NOSTRIN: variants seen among roughly 807,000 people sequenced by gnomAD.
NOSTRIN encodes the protein nitric oxide synthase trafficking, also known as BM247 homolog.
A neutral mutation model predicts 59.0 loss-of-function variants in NOSTRIN; 63 were observed. The ratio of observed to expected loss-of-function variants is 1.07; its 90% confidence interval spans 0.87 to 1.32. The LOEUF (loss-of-function observed/expected upper bound fraction) is 1.32. Among genes scored for constraint, NOSTRIN ranks in the 40% most tolerant of loss-of-function variants. The pLI is 0.00. For missense variants in NOSTRIN, 512 were observed against 473.1 expected (o/e 1.08, Z -0.76); for synonymous variants, 200 against 165.4 (o/e 1.21, Z -1.61).
intron 1 of NOSTRIN, among the ~76,000 whole-genome samples, chr2:168,809,933 C>T (rs762256128): frequency 1.3e-4 from 20 of 152,054 alleles, no homozygotes; most frequent in Non-Finnish European, 2.8e-4. Flanking sequence ...GTTTACACTG[C>T]AGAGAGGTTT....
chr2:168,851,440 G>A, intron 10 of NOSTRIN, 36 bp downstream of exon 10: 2 of 1,579,690 alleles, frequency 1.3e-6, no homozygotes, highest in Non-Finnish European at 8.6e-7. Context: ...TTACATTAAT[G>A]GAGAATCTTA....
intron 2 of NOSTRIN, among the ~76,000 whole-genome samples, chr2:168,819,842 A>G (rs761113983): frequency 6.6e-6 from 1 of 152,220 alleles, no homozygotes; most frequent in Non-Finnish European, 1.5e-5. Context: ...CCAGAGGGCT[A>G]GCTCGGTGAC....
upstream of NOSTRIN, among the ~76,000 whole-genome samples, chr2:168,799,884 C>G (rs945450513): frequency 6.6e-6 from 1 of 152,238 alleles, no homozygotes; most frequent in Non-Finnish European, 1.5e-5. Context: ...GTCTGCCCCT[C>G]TCTGTCTCTA....
chr2:168,807,136 C>T (rs1055471625), intron 1 of NOSTRIN, among the ~76,000 whole-genome samples: 1 of 152,056 alleles, frequency 6.6e-6, no homozygotes, highest in Non-Finnish European at 1.5e-5. Context: ...TCCATGGAAC[C>T]CTTTCAGAGT....
At chr2:168,835,236 G>A (rs1366181008) in intron 7 of NOSTRIN, among the ~76,000 whole-genome samples, 1 of 151,050 alleles carries the variant, frequency 6.6e-6, no homozygotes, top group East Asian at 1.9e-4. Context: ...CACCATGCTC[G>A]GCTAATTTTT....
intron 1 of NOSTRIN, among the ~76,000 whole-genome samples, chr2:168,803,394 C>T (rs182280921): frequency 6.6e-6 from 1 of 152,254 alleles, no homozygotes; most frequent in East Asian, 1.9e-4. Flanking sequence ...TTTATCCCAA[C>T]ACATGGGGCT....
intron 1 of NOSTRIN, among the ~76,000 whole-genome samples, chr2:168,807,234 T>C (rs955514309): frequency 2.0e-5 from 3 of 151,960 alleles, no homozygotes; most frequent in African/African-American, 7.3e-5. Context: ...AGCAGGTAAG[T>C]TCCAAGATTT....
chr2:168,833,741 C>A (rs565980050), intron 6 of NOSTRIN, among the ~76,000 whole-genome samples: 1 of 152,190 alleles, frequency 6.6e-6, no homozygotes, highest in African/African-American at 2.4e-5. Context: ...AAATGCCCAA[C>A]TCTCAGGCTT....
In NOSTRIN at chr2:168,865,325, C is replaced by T. The variant is rs1030706204; in HGVS notation, c.*355C>T. 27 of 184,236 alleles carry T rather than the reference C, an allele frequency of 1.5e-4. No homozygotes were observed. Among genetic ancestry groups the T allele is most frequent in the Middle Eastern group, 2.3e-3 (1 of 428 alleles). The allele number at this position is 184,236 out of a possible 1,614,324, so 11.4% of individuals were successfully genotyped here. A position where few individuals can be genotyped will look rare whatever the true frequency, so the allele number is the denominator to read the frequency against. On this transcript the variant is annotated 3_prime_UTR_variant, in exon 16 of 16. Coordinates refer to ENST00000317647, the MANE Select transcript of NOSTRIN (RefSeq NM_001039724.4). ...TATCTGGTAGACAACAGCAGTGGGA[C>T]TTAGATGTCTTTTTCCTCTGGATTT...
intron 2 of NOSTRIN, among the ~76,000 whole-genome samples, chr2:168,821,626 G>GT (rs1686746429): frequency 6.6e-6 from 1 of 152,250 alleles, no homozygotes; most frequent in African/African-American, 2.4e-5. Flanking sequence ...AAATAAAACT[G>GT]TAAGGGGAGA....
chr2:168,855,343 T>C lies in NOSTRIN; in HGVS notation c.856-9T>C. ...CCCCCTTGTTAGACATCCTTCTTTT[T>C]TCCTAAAGGAAGAAGATCCTAACAG... On this transcript the variant is annotated splice_polypyrimidine_tract_variant and intron_variant, in intron 10 of 15. Transcript: ENST00000317647. 6.7e-7 allele frequency: 1 copy of C among 1,486,684 alleles called. No individual in the cohort carries two copies. The allele number at this position is 1,486,684 out of a possible 1,614,324, so 92.1% of individuals were successfully genotyped here.
chr2:168,864,252 C>A (rs1689700120), intron 15 of NOSTRIN, among the ~76,000 whole-genome samples: 1 of 151,170 alleles, frequency 6.6e-6, no homozygotes, highest in Admixed American at 6.6e-5. Flanking sequence ...GCTGGGATTA[C>A]AGCTGTCAGC....
upstream of NOSTRIN, among the ~76,000 whole-genome samples, chr2:168,799,462 C>T (rs1334494896): frequency 6.6e-6 from 1 of 152,162 alleles, no homozygotes; most frequent in Non-Finnish European, 1.5e-5. Flanking sequence ...GACAAATGTG[C>T]TCACTGTGGT....
intron 3 of NOSTRIN, among the ~76,000 whole-genome samples, chr2:168,827,107 C>T (rs545863663): frequency 2.0e-5 from 3 of 152,258 alleles, no homozygotes; most frequent in African/African-American, 7.2e-5. Context: ...AACCTCTGTA[C>T]CATTCTGATT....
rs75952027 is a variant in NOSTRIN, at chr2:168,790,160, G to A, written c.-473+2112G>A. ...CATCATTCAGTGAGTATATTTCATG[G>A]AAAATATGATTGATTGTCTTTTGTA... On this transcript the variant is annotated intron_variant, in intron 2 of 20. Coordinates refer to the NOSTRIN transcript ENST00000458381. Among the ~76,000 whole-genome samples the A allele has an allele frequency of 4.0e-3, 605 of 152,256 alleles. 11 individuals carry two copies. The highest frequency in any genetic ancestry group is 0.014 in the African/African-American group (587 of 41,532).
At chr2:168,852,292 T>C (rs562578551) in intron 10 of NOSTRIN, among the ~76,000 whole-genome samples, 6 of 152,232 alleles carry the variant, frequency 3.9e-5, no homozygotes, top group African/African-American at 1.4e-4. Flanking sequence ...TATCGGAGGC[T>C]TATTTTGAGG....
At chr2:168,859,436 G>C (rs997988856) in intron 12 of NOSTRIN, 76 bp from the exon 13 acceptor site, 1 of 1,567,198 alleles carries the variant, frequency 6.4e-7, no homozygotes, top group Non-Finnish European at 8.7e-7. Flanking sequence ...TATTTTGAAA[G>C]TTATTCTGAT....
At chr2:168,828,532 T>C in intron 5 of NOSTRIN, 31 bp downstream of exon 5, 1 of 805,126 alleles carries the variant, frequency 1.2e-6, no homozygotes. Flanking sequence ...ACTCTTCCTG[T>C]TTAAAGCAAG....
chr2:168,831,615 G>A, intron 6 of NOSTRIN, 81 bp downstream of exon 6: 1 of 772,918 alleles, frequency 1.3e-6, no homozygotes, highest in Non-Finnish European at 2.4e-6. Flanking sequence ...GCGATGACAT[G>A]TTCTAGCATT....
Sources: gnomAD v4.1 joint callset for allele counts (sites outside exome capture counted in the v4.1 genomes callset) on GRCh38, gnomAD v4.1.1 for gene constraint, MANE v1.5 for transcripts, NCBI Gene and HGNC (gene_info 2026-07-23, HGNC 2026-07-21) for gene names.